JMJD1C: variants seen among roughly 807,000 people sequenced by gnomAD.
JMJD1C encodes the protein jumonji domain-containing protein 1C.
JMJD1C carries 31 observed loss-of-function variants against 245.3 expected under a neutral mutation model. The observed-to-expected ratio is 0.13, with a 90% CI of 0.09 to 0.17. The LOEUF is 0.17. Among genes scored for constraint, JMJD1C ranks in the 10% least tolerant of loss-of-function variants. The pLI is 1.00. For missense variants in JMJD1C, 2,691 were observed against 3,000.2 expected (o/e 0.90, Z 2.41); for synonymous variants, 1,057 against 1,017.4 (o/e 1.04, Z -0.74).
At chr10:63,419,591 A>T (rs1029107515) in intron 1 of JMJD1C, among the ~76,000 whole-genome samples, 18 of 152,158 alleles carry the variant, frequency 1.2e-4, no homozygotes, top group Non-Finnish European at 2.5e-4. Flanking sequence ...GAATAGATCT[A>T]AAAAAGTCCA....
chr10:63,494,069 G>A (rs1246252625), intron 1 of JMJD1C, among the ~76,000 whole-genome samples: 1 of 152,186 alleles, frequency 6.6e-6, no homozygotes, highest in Non-Finnish European at 1.5e-5. Flanking sequence ...CCAGCACTTT[G>A]GAAGGCCGAG....
chr10:63,293,459 T>C (rs1015835681), intron 2 of JMJD1C, among the ~76,000 whole-genome samples: 9 of 152,204 alleles, frequency 5.9e-5, no homozygotes, highest in African/African-American at 1.4e-4. Flanking sequence ...ACTGCTACCA[T>C]TCTCTCAGGT....
Position 63,189,157 on chromosome 10 carries a change from A to G in JMJD1C, c.6570+11T>C. 6.3e-7 allele frequency: 1 copy of G among 1,590,806 alleles called. No homozygotes were observed. The highest frequency in any genetic ancestry group is 1.1e-5 in the South Asian group (1 of 87,330). On this transcript the variant is annotated intron_variant, in intron 18 of 25. Coordinates refer to ENST00000399262, the MANE Select transcript of JMJD1C (RefSeq NM_032776.3). ...CACCAAGAGTGTTCTTTATCAGCCT[A>G]AAATACACACCTGTCCTTGTTTCCA... is the stretch of plus-strand genomic sequence containing the variant.
At chr10:63,451,247 C>A (rs1292534072) in intron 1 of JMJD1C, among the ~76,000 whole-genome samples, 7 of 152,086 alleles carry the variant, frequency 4.6e-5, no homozygotes, top group Non-Finnish European at 8.8e-5. Context: ...TATTAATATC[C>A]CCATGTTTTC....
chr10:63,431,522 G>C (rs903597065), intron 1 of JMJD1C, among the ~76,000 whole-genome samples: 1 of 152,176 alleles, frequency 6.6e-6, no homozygotes, highest in African/African-American at 2.4e-5. Context: ...CACTGATTTT[G>C]CTAGGTGCAA....
chr10:63,265,122 CTT>C (rs145181254), intron 2 of JMJD1C, among the ~76,000 whole-genome samples: 1 of 148,120 alleles, frequency 6.8e-6, no homozygotes, highest in Non-Finnish European at 1.5e-5. Flanking sequence ...TTACCCCCAC[CTT>C]TTTTTTTTAA....
chr10:63,300,691 A>T (rs1859976289), intron 2 of JMJD1C, among the ~76,000 whole-genome samples: 1 of 152,046 alleles, frequency 6.6e-6, no homozygotes, highest in South Asian at 2.1e-4. Flanking sequence ...AAAGAGTTCA[A>T]GACCAGCCTG....
chr10:63,485,349 C>T (rs1953961257), intron 1 of JMJD1C, among the ~76,000 whole-genome samples: 1 of 152,088 alleles, frequency 6.6e-6, no homozygotes, highest in Non-Finnish European at 1.5e-5. Flanking sequence ...CCCTTGCTAT[C>T]AGGTTGTGCT....
chr10:63,172,065 T>C (rs544032577), intron 24 of JMJD1C, among the ~76,000 whole-genome samples: 1 of 152,364 alleles, frequency 6.6e-6, no homozygotes, highest in East Asian at 1.9e-4. Flanking sequence ...TTCCCTTTTG[T>C]ACAGCTGGCA....
chr10:63,469,618 T>C (rs770125299), upstream of JMJD1C, among the ~76,000 whole-genome samples: 15 of 152,186 alleles, frequency 9.9e-5, no homozygotes, highest in East Asian at 5.8e-4. Context: ...TCTGGAAAGA[T>C]AGACAATAGA....
chr10:63,434,444 G>T (rs1456792133), intron 1 of JMJD1C, among the ~76,000 whole-genome samples: 1 of 152,162 alleles, frequency 6.6e-6, no homozygotes, highest in African/African-American at 2.4e-5. Context: ...AGGAGCCTTT[G>T]TAAGTCAAGG....
rs1271928448 is a variant in JMJD1C at position 63,193,351 on chromosome 10, T to C, written c.5856A>G (p.Val1952=). The C allele has an allele frequency of 2.5e-6, 4 of 1,597,044 alleles. No individual in the cohort carries two copies. Among genetic ancestry groups the C allele is most frequent in the Admixed American group, 1.8e-5 (1 of 56,640 alleles). The part of the protein sequence containing the change: ...QVGNFPTMNG[V]SQVLQNVLNH... ...ACCAGAGATTTTTACTCACTTGAGA[T>C]ACACCATTCATTGTAGGAAAATTTC... The change falls in exon 15 of 26, where the codon GTA becomes GTG. Residue 1952 remains valine (V), a synonymous_variant. Transcript: ENST00000399262.
intron 3 of JMJD1C, among the ~76,000 whole-genome samples, chr10:63,228,062 C>T (rs777547416): frequency 3.9e-5 from 6 of 152,166 alleles, no homozygotes; most frequent in East Asian, 1.9e-4. Context: ...ATGAAGGTAC[C>T]GCTGAAGGCT....
At chr10:63,168,609 T>C (rs773795579) in intron 24 of JMJD1C, 43 bp from the exon 25 acceptor site, 23 of 1,513,328 alleles carry the variant, frequency 1.5e-5, no homozygotes, top group Non-Finnish European at 2.0e-5. Context: ...TTTTAGGAGG[T>C]GGAGCAAAGA....
At chr10:63,414,670 T>C (rs903980052) in intron 1 of JMJD1C, among the ~76,000 whole-genome samples, 7 of 152,150 alleles carry the variant, frequency 4.6e-5, no homozygotes, top group East Asian at 1.9e-4. Flanking sequence ...GGTGAATCAC[T>C]TGAGGTCAGG....
chr10:63,179,067 T>C (rs1428513534), intron 22 of JMJD1C, among the ~76,000 whole-genome samples: 1 of 152,152 alleles, frequency 6.6e-6, no homozygotes, highest in Non-Finnish European at 1.5e-5. Context: ...ATCTCCAATG[T>C]CTATCAGGAT....
In JMJD1C at chr10:63,213,815, A is replaced by G. The variant is rs373204843; in HGVS notation, c.2352T>C (p.Ser784=). Residue 784 remains serine (S), a synonymous_variant, in exon 8 of 26, where the codon AGT becomes AGC. Coordinates refer to ENST00000399262, the MANE Select transcript of JMJD1C (RefSeq NM_032776.3). ...LPTINTHPLT[S]GPHHAVHHPH... ...GGTGATGAACAGCATGGTGTGGACC[A>G]CTAGTCAGAGGATGAGTGTTAATGG... The G allele has an allele frequency of 6.8e-6, 11 of 1,613,934 alleles. No individual in the cohort carries two copies. In the African/African-American group the frequency reaches 1.1e-4, roughly 16 times the overall value.
At chr10:63,420,597 T>C (rs1248869220) in intron 1 of JMJD1C, among the ~76,000 whole-genome samples, 2 of 118,824 alleles carry the variant, frequency 1.7e-5, no homozygotes, top group Non-Finnish European at 1.7e-5. Context: ...CCCAGCTACA[T>C]GGGGGGTGGG....
intron 3 of JMJD1C, among the ~76,000 whole-genome samples, chr10:63,221,857 G>A (rs966652875): frequency 6.6e-6 from 1 of 152,114 alleles, no homozygotes; most frequent in Non-Finnish European, 1.5e-5. Flanking sequence ...GAGTAGCTGG[G>A]GTTACAGGAG....
Sources: gnomAD v4.1 joint callset for allele counts (sites outside exome capture counted in the v4.1 genomes callset) on GRCh38, gnomAD v4.1.1 for gene constraint, MANE v1.5 for transcripts, NCBI Gene and HGNC (gene_info 2026-07-23, HGNC 2026-07-21) for gene names.